Variants in UGT2A3 observed in about 807,000 individuals in gnomAD.
UGT2A3 encodes UDP-glucuronosyltransferase 2A3.
In UGT2A3, 55 loss-of-function variants were observed where a neutral mutation model predicts 44.1. That is an observed-to-expected ratio of 1.25 (90% CI 1.00 to 1.56). The LOEUF is 1.56. UGT2A3 is among the 40% of genes most tolerant of loss of function. UGT2A3 has a pLI of 0.00. For missense variants in UGT2A3, 733 were observed against 621.6 expected, an observed-to-expected ratio of 1.18 and a Z score of -1.91; for synonymous variants, 243 against 215.1, an observed-to-expected ratio of 1.13 and a Z score of -1.13.
intron 2 of UGT2A3, among the ~76,000 whole-genome samples, chr4:68,935,904 G>A (rs888643109): frequency 4.6e-5 from 7 of 152,000 alleles, no homozygotes; most frequent in Admixed American, 2.0e-4. Context: ...GCATGAGAAC[G>A]TCATGACACA....
chr4:68,942,928 A>G (rs1718252925), intron 2 of UGT2A3, among the ~76,000 whole-genome samples: 1 of 151,820 alleles, frequency 6.6e-6, no homozygotes, highest in African/African-American at 2.4e-5. Flanking sequence ...CCACAAAGAA[A>G]TGATAAATAT....
intron 2 of UGT2A3, among the ~76,000 whole-genome samples, chr4:68,942,671 T>G (rs1240795239): frequency 1.3e-5 from 2 of 151,148 alleles, no homozygotes; most frequent in African/African-American, 4.9e-5. Flanking sequence ...CAGGCAGAGA[T>G]AGCATGGTAT....
chr4:68,929,215 T>C lies in UGT2A3; in HGVS notation c.*598A>G, dbSNP rs779239598. 6.6e-6 allele frequency: 1 copy of C among 152,142 alleles called. No individual in the cohort carries two copies. Among genetic ancestry groups the C allele is most frequent in the Non-Finnish European group, 1.5e-5 (1 of 68,010 alleles). 9.4% of individuals were successfully genotyped at this position (152,142 alleles called of 1,614,324 possible). ...ACAGAAAAAAGTATTGGTTGAGTGA[T>C]GGCAGAAATGTAGGCCATGACATCT... is the stretch of plus-strand genomic sequence containing the variant. On this transcript the variant is annotated 3_prime_UTR_variant, in exon 6 of 6. Transcript: ENST00000251566.
At chr4:68,950,911 T>C (rs1206180971) in intron 1 of UGT2A3, 135 bp downstream of exon 1, 2 of 601,608 alleles carry the variant, frequency 3.3e-6, no homozygotes, top group Non-Finnish European at 5.4e-6. Flanking sequence ...AAATACACTT[T>C]CTTTATGAAA....
intron 2 of UGT2A3, among the ~76,000 whole-genome samples, chr4:68,942,959 C>T (rs1462167238): frequency 6.6e-6 from 1 of 151,670 alleles, no homozygotes; most frequent in Non-Finnish European, 1.5e-5. Flanking sequence ...GGTTTATTAT[C>T]TTGATGTAAT....
chr4:68,938,943 T>C (rs1718075843), intron 2 of UGT2A3, among the ~76,000 whole-genome samples: 1 of 152,100 alleles, frequency 6.6e-6, no homozygotes, highest in Non-Finnish European at 1.5e-5. Context: ...GAACTGTCAT[T>C]CACAATTGCT....
intron 2 of UGT2A3, among the ~76,000 whole-genome samples, chr4:68,933,400 C>G (rs1717812677): frequency 6.6e-6 from 1 of 152,056 alleles, no homozygotes; most frequent in African/African-American, 2.4e-5. Flanking sequence ...ATCTCCATAT[C>G]AGTGTGTGAA....
chr4:68,942,538 T>TATATATATATATATATATATAC (rs1442602288), intron 2 of UGT2A3, among the ~76,000 whole-genome samples: 2 of 142,990 alleles, frequency 1.4e-5, no homozygotes, highest in African/African-American at 5.3e-5. Flanking sequence ...TATATATATA[T>TATATATATATATATATATATAC]ACATTTTCCA....
At chr4:68,940,165 A>G (rs1718132046) in intron 2 of UGT2A3, among the ~76,000 whole-genome samples, 1 of 152,154 alleles carries the variant, frequency 6.6e-6, no homozygotes, top group African/African-American at 2.4e-5. Context: ...CTAGAACTAG[A>G]AATACCATTT....
At position 68,951,652 on chromosome 4, in the gene UGT2A3, G is replaced by T. The variant is rs1262497423; in HGVS notation, c.109C>A (p.Leu37Ile). 1.2e-6 allele frequency: 2 copies of T among 1,612,342 alleles called. No individual in the cohort carries two copies. The highest frequency in any genetic ancestry group is 2.2e-5 in the South Asian group (2 of 91,042). ...TCTTCTAGAATGACCTTGACATTAA[G>T]CCAATGGCTCATGTCACAGGGCCAC... Reference protein sequence around the residue: ...LVWPCDMSHWLNVKVILEELI... With the variant: ...LVWPCDMSHWINVKVILEELI... The change falls in exon 1 of 6, where the codon CTT becomes ATT. Residue 37 changes from leucine (L) to isoleucine (I), a missense_variant. Leu to Ile is a conservative substitution (Grantham distance 5). Transcript: ENST00000251566.
At chr4:68,942,585 G>GA (rs914913290) in intron 2 of UGT2A3, among the ~76,000 whole-genome samples, 4 of 141,576 alleles carry the variant, frequency 2.8e-5, no homozygotes, top group African/African-American at 7.9e-5. Flanking sequence ...ATATATATTG[G>GA]AAAAAAAAGA....
chr4:68,942,728 G>GCT (rs1718246237), intron 2 of UGT2A3, among the ~76,000 whole-genome samples: 1 of 151,374 alleles, frequency 6.6e-6, no homozygotes, highest in African/African-American at 2.4e-5. Flanking sequence ...TAATTAGAGA[G>GCT]TAGAATTGTG....
In UGT2A3 at chr4:68,945,303, T is replaced by G; in HGVS notation, c.864+3A>C. On this transcript the variant is annotated splice_donor_region_variant and intron_variant, in intron 2 of 5. Transcript: ENST00000251566. ...ATAATATTCCTTAATACAATAGTCC[T>G]ACCTTAGGCAAAGCTTTGGCAGGTT... The G allele has an allele frequency of 6.2e-7, 1 of 1,611,026 alleles. No individual in the cohort carries two copies. The highest frequency in any genetic ancestry group is 1.1e-5 in the South Asian group (1 of 90,990).
intron 1 of UGT2A3, among the ~76,000 whole-genome samples, chr4:68,945,898 T>C (rs1345706207): frequency 6.6e-6 from 1 of 151,700 alleles, no homozygotes; most frequent in Non-Finnish European, 1.5e-5. Context: ...CTTCACTAAA[T>C]AACATCTCTG....
intron 1 of UGT2A3, among the ~76,000 whole-genome samples, chr4:68,947,060 TA>T (rs1246617110): frequency 1.3e-5 from 2 of 151,726 alleles, no homozygotes; most frequent in Admixed American, 6.6e-5. Flanking sequence ...GGACAATTTT[TA>T]AAATTAGACA....
In UGT2A3 at chr4:68,946,906, G is replaced by C. The variant is rs149880485; in HGVS notation, c.716-1452C>G. Among the ~76,000 whole-genome samples the C allele has an allele frequency of 4.0e-5, 6 of 151,708 alleles. No homozygotes were observed. In the South Asian group the frequency reaches 6.2e-4, roughly 16 times the overall value. On this transcript the variant is annotated intron_variant, in intron 1 of 5. Coordinates refer to ENST00000251566, the MANE Select transcript of UGT2A3 (RefSeq NM_024743.4). The stretch of plus-strand genomic sequence containing the variant: ...TGTGCAATATCATCACGTTTAAAAA[G>C]GAATGCACATACCTTAGTTAAAAGT...
chr4:68,929,838 G>A lies in UGT2A3; in HGVS notation c.1559C>T (p.Thr520Ile). The change falls in exon 6 of 6, where the codon ACT becomes ATT. Residue 520 changes from threonine to isoleucine, a missense_variant. Coordinates refer to ENST00000251566, the MANE Select transcript of UGT2A3 (RefSeq NM_024743.4). The part of the protein sequence containing the change: ...FLFSCQKFNK[T>I]RKIEKRE ...CTATTCCCTCTTTTCTATCTTTCTA[G>A]TTTTATTAAATTTTTGACAGGAAAA... The A allele has an allele frequency of 6.2e-7, 1 of 1,604,522 alleles. No individual in the cohort carries two copies. Among genetic ancestry groups the A allele is most frequent in the Non-Finnish European group, 8.5e-7 (1 of 1,174,494 alleles).
intron 1 of UGT2A3, among the ~76,000 whole-genome samples, chr4:68,948,516 C>A (rs1207248531): frequency 7.2e-6 from 1 of 139,262 alleles, no homozygotes; most frequent in Admixed American, 7.5e-5. Context: ...TCATAGCTCA[C>A]TGCAGCCTTG....
chr4:68,929,787 C>T lies in UGT2A3; in HGVS notation c.*26G>A, dbSNP rs375404573. On this transcript the variant is annotated 3_prime_UTR_variant, in exon 6 of 6. Transcript: ENST00000251566. ...GCTGGAATTAACAGGATTACCCCATCAGGTCTTTCTTGAATTTGGAAAGAT... is the reference window on the plus strand; with the variant it reads ...GCTGGAATTAACAGGATTACCCCATTAGGTCTTTCTTGAATTTGGAAAGAT... The T allele has an allele frequency of 1.6e-5, 24 of 1,532,898 alleles. No individual in the cohort carries two copies. Among genetic ancestry groups the T allele is most frequent in the Non-Finnish European group, 1.9e-5 (22 of 1,134,198 alleles). The allele number at this position is 1,532,898 out of a possible 1,614,324, so 95.0% of individuals were successfully genotyped here.
Sources: gnomAD v4.1 joint callset for allele counts (sites outside exome capture counted in the v4.1 genomes callset) on GRCh38, gnomAD v4.1.1 for gene constraint, MANE v1.5 for transcripts, NCBI Gene and HGNC (gene_info 2026-07-23, HGNC 2026-07-21) for gene names.